PCBD1: variants seen among roughly 807,000 people sequenced by gnomAD.
The protein encoded by PCBD1 is pterin-4-alpha-carbinolamine dehydratase.
PCBD1 carries 16 observed loss-of-function variants against 12.6 expected under a neutral mutation model. The observed-to-expected ratio is 1.27, with a 90% CI of 0.86 to 1.93. PCBD1 has a LOEUF of 1.93. Among genes scored for constraint, PCBD1 ranks in the 30% most tolerant of loss-of-function variants. PCBD1 has a pLI of 0.00. For synonymous variants in PCBD1, 53 were observed against 50.2 expected, an observed-to-expected ratio of 1.05 and a Z score of -0.23; for missense variants, 86 against 130.1, an observed-to-expected ratio of 0.66 and a Z score of 1.65.
At chr10:70,883,029 CT>C (rs1846523232), downstream of PCBD1, among the ~76,000 whole-genome samples, 1 of 152,128 alleles carries the variant, frequency 6.6e-6, no homozygotes, top group Admixed American at 6.5e-5. Flanking sequence ...GATGTTCAAC[CT>C]GTAATATGGC....
intron 1 of PCBD1, among the ~76,000 whole-genome samples, 191 bp from the exon 2 acceptor site, chr10:70,886,120 G>T (rs1846578975): frequency 6.6e-6 from 1 of 152,138 alleles, no homozygotes; most frequent in Admixed American, 6.5e-5. Flanking sequence ...TGGGGTCCAG[G>T]CTCGTCTGCC....
chr10:70,886,208 CG>C (rs1846580603), intron 1 of PCBD1, among the ~76,000 whole-genome samples: 1 of 152,122 alleles, frequency 6.6e-6, no homozygotes, highest in African/African-American at 2.4e-5. Flanking sequence ...ATTCATATGA[CG>C]GGGACAGAGA....
intron 2 of PCBD1, among the ~76,000 whole-genome samples, chr10:70,885,535 A>G (rs1278305389): frequency 6.6e-6 from 1 of 152,252 alleles, no homozygotes; most frequent in Non-Finnish European, 1.5e-5. Context: ...TTCCACTTGA[A>G]CTATCTCCTC....
intron 1 of PCBD1, among the ~76,000 whole-genome samples, chr10:70,886,348 G>A: frequency 6.6e-6 from 1 of 152,164 alleles, no homozygotes; most frequent in East Asian, 1.9e-4. Context: ...CTCTCAGGAA[G>A]AGTACCCATG....
In PCBD1 at chr10:70,883,834, G is replaced by A. The variant is rs544135564; in HGVS notation, c.*116C>T. The stretch of plus-strand genomic sequence containing the variant: ...CAGCAAGGACTCAGCCCTCAACGGC[G>A]GCGGCTGGGTCTTGGGAGGGGAGTG... On this transcript the variant is annotated 3_prime_UTR_variant, in exon 4 of 4. Transcript: ENST00000299299. The A allele has an allele frequency of 1.7e-5, 26 of 1,538,618 alleles. No individual in the cohort carries two copies. The highest frequency in any genetic ancestry group is 1.3e-4 in the South Asian group (11 of 83,470).
At position 70,883,538 on chromosome 10, in the gene PCBD1, C is replaced by T; in HGVS notation, c.*412G>A. 9.1e-7 allele frequency: 1 copy of T among 1,102,074 alleles called. No individual in the cohort carries two copies. Among genetic ancestry groups the T allele is most frequent in the Non-Finnish European group, 1.1e-6 (1 of 897,804 alleles). The allele number at this position is 1,102,074 out of a possible 1,614,324, so 68.3% of individuals were successfully genotyped here. A position where few individuals can be genotyped will look rare whatever the true frequency, so the allele number is the denominator to read the frequency against. Reference sequence around the variant, plus strand: ...AGTGATATAATAGTTTTATTTGAGACATAAAAACACATGTGTTTCTATTAC... The same window carrying T: ...AGTGATATAATAGTTTTATTTGAGATATAAAAACACATGTGTTTCTATTAC... On this transcript the variant is annotated 3_prime_UTR_variant, in exon 4 of 4. Transcript: ENST00000299299.
At chr10:70,883,417 G>A (rs1383002809), downstream of PCBD1, 2 of 559,068 alleles carry the variant, frequency 3.6e-6, no homozygotes, top group African/African-American at 4.1e-5. Flanking sequence ...TTGAACAGAG[G>A]AAGTGCCTAG....
chr10:70,888,480 G>A (rs1195312980), intron 1 of PCBD1, 51 bp downstream of exon 1: 19 of 1,458,702 alleles, frequency 1.3e-5, no homozygotes, highest in Non-Finnish European at 1.4e-5. Flanking sequence ...CCTCGCCCGC[G>A]GCTGCCCCGG....
At chr10:70,888,442 G>T in intron 1 of PCBD1, 89 bp downstream of exon 1, 1 of 1,409,314 alleles carries the variant, frequency 7.1e-7, no homozygotes, top group South Asian at 1.4e-5. Context: ...GACTCGAAAA[G>T]ACTTTCCCCC....
At chr10:70,885,728 A>C in intron 2 of PCBD1, 70 bp downstream of exon 2, 1 of 1,588,008 alleles carries the variant, frequency 6.3e-7, no homozygotes, top group Non-Finnish European at 8.6e-7. Flanking sequence ...ACGTGAAGGG[A>C]GAGAACATGC....
At chr10:70,885,300 A>T in intron 2 of PCBD1, 68 bp from the exon 3 acceptor site, 1 of 1,174,678 alleles carries the variant, frequency 8.5e-7, no homozygotes, top group Admixed American at 1.8e-5. Flanking sequence ...CACCAATTCA[A>T]GGCCTAGACG....
chr10:70,885,666 C>A, intron 2 of PCBD1, 132 bp downstream of exon 2: 1 of 1,148,172 alleles, frequency 8.7e-7, no homozygotes. Context: ...CCCACTGGCA[C>A]AGTGCCCAAA....
chr10:70,883,904 T>G lies in PCBD1; in HGVS notation c.*46A>C. On this transcript the variant is annotated 3_prime_UTR_variant, in exon 4 of 4. Coordinates refer to ENST00000299299, the MANE Select transcript of PCBD1 (RefSeq NM_000281.4). ...TCAGCTCCCTCCCTGGACTCCCAGTTCAGTCACCCCTTCCCCCGGAAGAAT... is the reference window on the plus strand; with the variant it reads ...TCAGCTCCCTCCCTGGACTCCCAGTGCAGTCACCCCTTCCCCCGGAAGAAT... The G allele has an allele frequency of 6.3e-7, 1 of 1,591,246 alleles. No individual in the cohort carries two copies. The highest frequency in any genetic ancestry group is 1.1e-5 in the South Asian group (1 of 87,436).
Position 70,885,184 on chromosome 10 carries a change from G to A in PCBD1, c.184C>T (p.His62Tyr), listed in dbSNP as rs746598842. The A allele has an allele frequency of 1.2e-5, 19 of 1,613,986 alleles. No homozygotes were observed. The South Asian group carries it at 1.6e-4, about 14-fold the overall frequency. ...TACACGTTAAACCATTCAGGATGGT[G>A]GTCCAGTTTCTCAGCCTGCAGGGCC... ...RVALQAEKLD[H>Y]HPEWFNVYNK... The change falls in exon 3 of 4, where the codon CAC (histidine) becomes TAC (tyrosine). Residue 62 changes from histidine to tyrosine, a missense_variant. Coordinates refer to ENST00000299299, the MANE Select transcript of PCBD1 (RefSeq NM_000281.4).
chr10:70,883,606 A>C lies in PCBD1; in HGVS notation c.*344T>G, dbSNP rs954125269. 148 of 1,204,608 alleles carry C rather than the reference A, an allele frequency of 1.2e-4. No individual in the cohort carries two copies. The highest frequency in any genetic ancestry group is 1.5e-4 in the Non-Finnish European group (146 of 955,252). 74.6% of individuals were successfully genotyped at this position (1,204,608 alleles called of 1,614,324 possible). ...GTCCTGGTTTCTAAGACAAGACTTT[A>C]TTTCACCCTGTATCACAGCTTCCTG... is the stretch of plus-strand genomic sequence containing the variant. On this transcript the variant is annotated 3_prime_UTR_variant, in exon 4 of 4. Transcript: ENST00000299299.
rs1414952329 is a variant in PCBD1 at position 70,883,675 on chromosome 10, T to C, written c.*275A>G. On this transcript the variant is annotated 3_prime_UTR_variant, in exon 4 of 4. Transcript: ENST00000299299. ...AAGAGACGGCCTGGCAAGAAAATCA[T>C]TATTGTTGCTGGGAAGTTGCAAAGA... 10 of 1,322,098 alleles carry C rather than the reference T, an allele frequency of 7.6e-6. No homozygotes were observed. Among genetic ancestry groups the C allele is most frequent in the Non-Finnish European group, 7.8e-6 (8 of 1,028,596 alleles). The allele number at this position is 1,322,098 out of a possible 1,614,324, so 81.9% of individuals were successfully genotyped here.
chr10:70,884,621 A>G (rs10999573), intron 3 of PCBD1, among the ~76,000 whole-genome samples: 49,027 of 151,354 alleles, frequency 0.32, 8,087 homozygotes, highest in East Asian at 0.36. Flanking sequence ...AGCTGGGACT[A>G]CAGGCGTCCA....
At chr10:70,885,469 G>A (rs1048941138) in intron 2 of PCBD1, among the ~76,000 whole-genome samples, 2 of 152,208 alleles carry the variant, frequency 1.3e-5, no homozygotes, top group Non-Finnish European at 2.9e-5. Flanking sequence ...ACCACAACAG[G>A]CTTTTGGCCT....
At chr10:70,888,448 C>T in intron 1 of PCBD1, 83 bp downstream of exon 1, 7 of 1,420,332 alleles carry the variant, frequency 4.9e-6, no homozygotes, top group East Asian at 3.0e-5. Flanking sequence ...AAAAGACTTT[C>T]CCCCGCCCCT....
Sources: gnomAD v4.1 joint callset for allele counts (sites outside exome capture counted in the v4.1 genomes callset) on GRCh38, gnomAD v4.1.1 for gene constraint, MANE v1.5 for transcripts, NCBI Gene and HGNC (gene_info 2026-07-23, HGNC 2026-07-21) for gene names.